Variants in SMPD3 observed in about 807,000 individuals in gnomAD.
SMPD3 encodes the protein sphingomyelin phosphodiesterase 3.
In SMPD3, 21 loss-of-function variants were observed where a neutral mutation model predicts 55.7. The ratio of observed to expected loss-of-function variants is 0.38; its 90% CI spans 0.27 to 0.54. SMPD3 has a LOEUF of 0.54. Ranked by LOEUF, SMPD3 falls within the 20% of genes least tolerant of loss-of-function variation. SMPD3 has a pLI of 0.80. For synonymous variants in SMPD3, 457 were observed against 404.3 expected (o/e 1.13, Z -1.56); for missense variants, 842 against 899.6 (o/e 0.94, Z 0.82).
At chr16:68,361,869 G>A in intron 7 of SMPD3, 110 bp from the exon 8 acceptor site, 1 of 769,504 alleles carries the variant, frequency 1.3e-6, no homozygotes. Context: ...GGGTGGGTGG[G>A]ACCAAAGCGC....
At chr16:68,364,674 C>G in intron 5 of SMPD3, 77 bp downstream of exon 5, 1 of 1,488,348 alleles carries the variant, frequency 6.7e-7, no homozygotes, top group Non-Finnish European at 9.1e-7. Context: ...AGCTGCCTAA[C>G]GAAGTCTGTC....
At chr16:68,364,645 G>C (rs1024920482) in intron 5 of SMPD3, 106 bp downstream of exon 5, 2 of 1,293,234 alleles carry the variant, frequency 1.5e-6, no homozygotes, top group Admixed American at 2.2e-5. Context: ...ACATGCTCTC[G>C]AGGAGCAGGA....
At chr16:68,430,889 T>C (rs1346036515) in intron 1 of SMPD3, among the ~76,000 whole-genome samples, 2 of 152,200 alleles carry the variant, frequency 1.3e-5, no homozygotes, top group African/African-American at 4.8e-5. Context: ...CTGCAGAATG[T>C]CGTGTCAAGT....
At chr16:68,379,921 A>T (rs186294694) in intron 2 of SMPD3, among the ~76,000 whole-genome samples, 14 of 152,378 alleles carry the variant, frequency 9.2e-5, no homozygotes, top group Admixed American at 5.9e-4. Context: ...TGAGTGGTGC[A>T]CGTCCTAGAG....
intron 1 of SMPD3, among the ~76,000 whole-genome samples, chr16:68,435,459 G>A (rs1397785778): frequency 2.0e-5 from 3 of 148,060 alleles, no homozygotes; most frequent in Non-Finnish European, 3.0e-5. Context: ...TAAGTGGTTT[G>A]TTTAAAATTA....
At chr16:68,365,731 G>A (rs933943578) in intron 3 of SMPD3, among the ~76,000 whole-genome samples, 1 of 152,172 alleles carries the variant, frequency 6.6e-6, no homozygotes, top group Non-Finnish European at 1.5e-5. Context: ...TCCATCCTGA[G>A]CCCACTGTGG....
intron 1 of SMPD3, among the ~76,000 whole-genome samples, chr16:68,444,821 A>G (rs2090598033): frequency 6.6e-6 from 1 of 152,246 alleles, no homozygotes; most frequent in Non-Finnish European, 1.5e-5. Context: ...AGAATACAAC[A>G]CACCATATGC....
intron 1 of SMPD3, among the ~76,000 whole-genome samples, chr16:68,390,052 C>T (rs1168103322): frequency 4.6e-5 from 7 of 152,148 alleles, no homozygotes; most frequent in East Asian, 3.8e-4. Context: ...ATTATTTATG[C>T]GTTTTCCAGG....
intron 3 of SMPD3, among the ~76,000 whole-genome samples, chr16:68,367,100 G>A (rs1387737509): frequency 6.6e-5 from 10 of 152,102 alleles, no homozygotes; most frequent in East Asian, 1.9e-4. Context: ...CCTGGGGGGC[G>A]GAGGTTGCAG....
chr16:68,448,386 G>A lies in SMPD3; in HGVS notation c.-302C>T, dbSNP rs1381608822. ...GCGGGCGGGAGGGCGGTCAGCGCCC[G>A]GCAGCGCACCCCGCTCCTCCCGGCT... On this transcript the variant is annotated 5_prime_UTR_variant, in exon 1 of 9. Transcript: ENST00000219334. 1 of 151,770 alleles carries A rather than the reference G, an allele frequency of 6.6e-6. No homozygotes were observed. The highest frequency in any genetic ancestry group is 6.5e-5 in the Admixed American group (1 of 15,274). 9.4% of individuals were successfully genotyped at this position (151,770 alleles called of 1,614,324 possible). A position where few individuals can be genotyped will look rare whatever the true frequency, so the allele number is the denominator to read the frequency against.
intron 1 of SMPD3, among the ~76,000 whole-genome samples, chr16:68,418,106 C>T (rs185671726): frequency 5.3e-5 from 8 of 152,326 alleles, no homozygotes; most frequent in Non-Finnish European, 8.8e-5. Context: ...TCTGCCCCCA[C>T]TCCCTTCCTG....
chr16:68,441,593 ATAC>A (rs1419169022), intron 1 of SMPD3, among the ~76,000 whole-genome samples: 22 of 152,134 alleles, frequency 1.4e-4, no homozygotes, highest in Admixed American at 1.4e-3. Context: ...TACATTTTTT[ATAC>A]TAATTTTTCA....
chr16:68,423,936 G>T (rs1401255009), intron 1 of SMPD3, among the ~76,000 whole-genome samples: 1 of 152,032 alleles, frequency 6.6e-6, no homozygotes, highest in African/African-American at 2.4e-5. Flanking sequence ...GAGATGGAAG[G>T]TCTGGAGGCC....
At chr16:68,379,382 C>T (rs1350975348) in intron 2 of SMPD3, among the ~76,000 whole-genome samples, 2 of 152,216 alleles carry the variant, frequency 1.3e-5, no homozygotes, top group African/African-American at 2.4e-5. Flanking sequence ...TGGTAATAAC[C>T]GTCTCTCAGG....
intron 2 of SMPD3, among the ~76,000 whole-genome samples, chr16:68,374,176 G>A (rs1277575943): frequency 1.3e-5 from 2 of 152,246 alleles, no homozygotes; most frequent in Non-Finnish European, 2.9e-5. Context: ...GGGATGAGGG[G>A]AGGTTCACCT....
Position 68,396,368 on chromosome 16 carries a change from C to A in SMPD3, c.-268-9709G>T, listed in dbSNP as rs377364514. Among the ~76,000 whole-genome samples, 30 of 152,324 alleles carry A rather than the reference C, an allele frequency of 2.0e-4. No homozygotes were observed. In the East Asian group the frequency reaches 5.6e-3, roughly 28 times the overall value. ...CCTGCCCTCCTCAGTCTCGTTTCTG[C>A]CCCTCTTTCTCCCACTGATTTGATG... On this transcript the variant is annotated intron_variant, in intron 1 of 8. Coordinates refer to ENST00000219334, the MANE Select transcript of SMPD3 (RefSeq NM_018667.4).
intron 1 of SMPD3, among the ~76,000 whole-genome samples, chr16:68,411,707 CATGCATTAACCTTG>C (rs1296144307): frequency 6.6e-6 from 1 of 152,342 alleles, no homozygotes; most frequent in African/African-American, 2.4e-5. Flanking sequence ...AAGCAAGCCC[CATGCATTAACCTTG>C]ATGTTTTATT....
intron 1 of SMPD3, among the ~76,000 whole-genome samples, chr16:68,414,721 T>C (rs1257595803): frequency 2.0e-5 from 3 of 152,254 alleles, no homozygotes; most frequent in Non-Finnish European, 4.4e-5. Context: ...AGCAGCCAGA[T>C]CCTGCAGACA....
chr16:68,371,252 G>A lies in SMPD3; in HGVS notation c.930C>T (p.Asp310=), dbSNP rs766928483. Residue 310 remains aspartate, a synonymous_variant, in exon 3 of 9, where the codon GAC becomes GAT. Coordinates refer to ENST00000219334, the MANE Select transcript of SMPD3 (RefSeq NM_018667.4). ...CACCTGGCTCCCCGCTGGCACTGGT[G>A]TCTGGCCCAGCTCGCCCCTTCACCA... is the stretch of plus-strand genomic sequence containing the variant. ...ESLVKGRAGP[D]TSASGEPGAN... 2.5e-6 allele frequency: 4 copies of A among 1,606,546 alleles called. No individual in the cohort carries two copies. Among genetic ancestry groups the A allele is most frequent in the South Asian group, 2.2e-5 (2 of 90,370 alleles).
Sources: allele counts gnomAD v4.1 joint callset (sites outside exome capture counted in the v4.1 genomes callset), GRCh38; gene constraint gnomAD v4.1.1; transcripts MANE v1.5; gene names NCBI Gene and HGNC (gene_info 2026-07-23, HGNC 2026-07-21).